SGIP1: variants seen among roughly 807,000 people sequenced by gnomAD.
SGIP1 encodes SH3GL interacting endocytic adaptor 1, also known as SH3-containing GRB2-like protein 3-interacting protein 1.
Under a neutral mutation model 107.5 loss-of-function variants are expected in SGIP1, and 38 were observed. That is an observed-to-expected ratio of 0.35 (90% CI 0.27 to 0.46). The LOEUF is 0.46. Ranked by LOEUF, SGIP1 falls within the 20% of genes least tolerant of loss-of-function variation. The pLI, the probability that SGIP1 is intolerant of heterozygous loss-of-function variation, is 1.00. For synonymous variants in SGIP1, 365 were observed against 366.1 expected (o/e 1.00, Z 0.03); for missense variants, 929 against 1,019.5 (o/e 0.91, Z 1.21).
At chr1:66,689,011 A>AG in intron 15 of SGIP1, 137 bp from the exon 16 acceptor site, 3 of 884,664 alleles carry the variant, frequency 3.4e-6, no homozygotes, top group Middle Eastern at 2.4e-4. Context: ...GAGAAAAAAG[A>AG]AAGTGCTACA....
At chr1:66,742,970 C>A in intron 24 of SGIP1, 103 bp from the exon 25 acceptor site, 1 of 1,161,440 alleles carries the variant, frequency 8.6e-7, no homozygotes, top group Non-Finnish European at 1.3e-6. Flanking sequence ...TATGCAGTAT[C>A]TGGCTCCTAG....
At chr1:66,683,972 CT>C in intron 15 of SGIP1, 1 of 1,341,438 alleles carries the variant, frequency 7.5e-7, no homozygotes, top group Non-Finnish European at 1.0e-6. Flanking sequence ...CTGCCTCAGC[CT>C]CCCAAAGTGC....
chr1:66,635,882 T>C, intron 3 of SGIP1, 62 bp from the exon 4 acceptor site: 1 of 1,518,628 alleles, frequency 6.6e-7, no homozygotes, highest in South Asian at 1.1e-5. Flanking sequence ...TCTTTATATG[T>C]GTCTTGAAGA....
Position 66,744,544 on chromosome 1 carries a change from A to T in SGIP1, c.*1449A>T, listed in dbSNP as rs1471669553. 6.6e-6 allele frequency: 1 copy of T among 152,100 alleles called. No homozygotes were observed. Among genetic ancestry groups the T allele is most frequent in the East Asian group, 1.9e-4 (1 of 5,208 alleles). The allele number at this position is 152,100 out of a possible 1,614,324, so 9.4% of individuals were successfully genotyped here. A position where few individuals can be genotyped will look rare whatever the true frequency, so the allele number is the denominator to read the frequency against. ...ATGCTATTAAATAGCTGTAATTATTAAGTTATTATTTTTATAATTAGTTGT... is the reference window on the plus strand; with the variant it reads ...ATGCTATTAAATAGCTGTAATTATTTAGTTATTATTTTTATAATTAGTTGT... On this transcript the variant is annotated 3_prime_UTR_variant, in exon 25 of 25. Transcript: ENST00000371037.
chr1:66,546,251 G>A (rs1369336734), intron 1 of SGIP1, among the ~76,000 whole-genome samples: 1 of 152,134 alleles, frequency 6.6e-6, no homozygotes, highest in Non-Finnish European at 1.5e-5. Flanking sequence ...GATCACACTG[G>A]CTGAGAGCCA....
At chr1:66,700,370 C>CAAAAA (rs34109375) in intron 18 of SGIP1, among the ~76,000 whole-genome samples, 1 of 82,974 alleles carries the variant, frequency 1.2e-5, no homozygotes, top group Non-Finnish European at 2.4e-5. Flanking sequence ...GACTCCATCT[C>CAAAAA]AAAAAAAAAA....
chr1:66,543,178 G>A (rs952347704), intron 1 of SGIP1, among the ~76,000 whole-genome samples: 11 of 152,128 alleles, frequency 7.2e-5, no homozygotes, highest in East Asian at 1.9e-4. Flanking sequence ...GAGGAAGAGC[G>A]TCATGATGTG....
chr1:66,729,178 T>A, intron 19 of SGIP1, 86 bp from the exon 20 acceptor site: 1 of 1,459,064 alleles, frequency 6.9e-7, no homozygotes, highest in Non-Finnish European at 9.5e-7. Flanking sequence ...TAACATTGCC[T>A]CATAAATTGT....
intron 18 of SGIP1, among the ~76,000 whole-genome samples, chr1:66,696,780 G>A (rs2090999659): frequency 6.6e-6 from 1 of 152,156 alleles, no homozygotes; most frequent in African/African-American, 2.4e-5. Flanking sequence ...ATTGCCTTGG[G>A]TCATTAATTT....
At chr1:66,620,475 A>T (rs1006525387) in intron 1 of SGIP1, among the ~76,000 whole-genome samples, 1 of 152,146 alleles carries the variant, frequency 6.6e-6, no homozygotes, top group African/African-American at 2.4e-5. Flanking sequence ...GCCTCAGGAA[A>T]CTCACAATCA....
intron 1 of SGIP1, among the ~76,000 whole-genome samples, chr1:66,597,872 T>G (rs979303971): frequency 6.6e-6 from 1 of 152,174 alleles, no homozygotes; most frequent in Non-Finnish European, 1.5e-5. Context: ...GTTTTTAGCT[T>G]GCATAAACAA....
chr1:66,627,113 G>A (rs539914022), intron 2 of SGIP1, among the ~76,000 whole-genome samples: 1 of 152,222 alleles, frequency 6.6e-6, no homozygotes, highest in African/African-American at 2.4e-5. Flanking sequence ...TAAATGCTCA[G>A]CAAATGGCAG....
chr1:66,689,367 C>T lies in SGIP1; in HGVS notation c.1443+92C>T. 12 of 1,467,158 alleles carry T rather than the reference C, an allele frequency of 8.2e-6. No individual in the cohort carries two copies. In the East Asian group the frequency reaches 1.9e-4, roughly 23 times the overall value. 90.9% of individuals were successfully genotyped at this position (1,467,158 alleles called of 1,614,324 possible). A position where few individuals can be genotyped will look rare whatever the true frequency, so the allele number is the denominator to read the frequency against. On this transcript the variant is annotated intron_variant, in intron 16 of 24. Transcript: ENST00000371037. The stretch of plus-strand genomic sequence containing the variant: ...TTCAGGTCTAAGCGTTTAGAGAACT[C>T]GTACAAACAACCCTGACAGGTGGCA...
intron 1 of SGIP1, among the ~76,000 whole-genome samples, chr1:66,596,064 G>A (rs1366940712): frequency 6.6e-6 from 1 of 151,634 alleles, no homozygotes; most frequent in African/African-American, 2.4e-5. Flanking sequence ...CTACACAAGT[G>A]CACAAGTGCA....
chr1:66,679,139 A>C (rs1207661401), intron 13 of SGIP1, among the ~76,000 whole-genome samples: 1 of 152,218 alleles, frequency 6.6e-6, no homozygotes, highest in East Asian at 1.9e-4. Flanking sequence ...AACTTTAAAA[A>C]ATGTACTAAA....
In SGIP1 at chr1:66,744,790, A is replaced by G. The variant is rs1221994280; in HGVS notation, c.*1695A>G. 2 of 152,448 alleles carry G rather than the reference A, an allele frequency of 1.3e-5. No individual in the cohort carries two copies. Among genetic ancestry groups the G allele is most frequent in the South Asian group, 2.1e-4 (1 of 4,832 alleles). The allele number at this position is 152,448 out of a possible 1,614,324, so 9.4% of individuals were successfully genotyped here. ...GTTTTACCATGGGAAAATTCTTACT[A>G]TTCAACAAACTCTCAGTTGGCCCCC... On this transcript the variant is annotated 3_prime_UTR_variant, in exon 25 of 25. Transcript: ENST00000371037.
intron 18 of SGIP1, among the ~76,000 whole-genome samples, chr1:66,700,493 A>T (rs979884466): frequency 2.0e-5 from 3 of 152,028 alleles, no homozygotes; most frequent in Admixed American, 6.6e-5. Context: ...TTTTGCCCTA[A>T]TCTTCTAGCC....
intron 1 of SGIP1, among the ~76,000 whole-genome samples, chr1:66,544,689 A>C (rs1211947294): frequency 6.6e-6 from 1 of 152,164 alleles, no homozygotes; most frequent in Non-Finnish European, 1.5e-5. Flanking sequence ...ACTCTGTCTC[A>C]AAAACAAACA....
intron 1 of SGIP1, among the ~76,000 whole-genome samples, chr1:66,586,142 C>T (rs1362993035): frequency 6.6e-6 from 1 of 152,112 alleles, no homozygotes; most frequent in Non-Finnish European, 1.5e-5. Flanking sequence ...TCTACATTAT[C>T]TGATACTAAG....
Sources: gnomAD v4.1 joint callset for allele counts (sites outside exome capture counted in the v4.1 genomes callset) on GRCh38, gnomAD v4.1.1 for gene constraint, MANE v1.5 for transcripts, NCBI Gene and HGNC (gene_info 2026-07-23, HGNC 2026-07-21) for gene names.